TET3: variants seen among roughly 807,000 people sequenced by gnomAD.
The protein encoded by TET3 is methylcytosine dioxygenase TET3.
Under a neutral mutation model 141.4 loss-of-function variants are expected in TET3, and 19 were observed. That is an observed-to-expected ratio of 0.13 (90% CI 0.09 to 0.20). The LOEUF (loss-of-function observed/expected upper bound fraction) is 0.20. TET3 is among the 10% of genes least tolerant of loss of function. The probability of loss-of-function intolerance (pLI) is 1.00; values close to 1 mark genes in which losing one functional copy is unlikely to be tolerated. For synonymous variants in TET3, 1,043 were observed against 980.9 expected, an observed-to-expected ratio of 1.06 and a Z score of -1.18; for missense variants, 1,874 against 2,356.9, an observed-to-expected ratio of 0.80 and a Z score of 4.24.
chr2:73,984,900 G>T (rs1465690175), upstream of TET3, among the ~76,000 whole-genome samples: 2 of 147,278 alleles, frequency 1.4e-5, no homozygotes, highest in Admixed American at 6.7e-5. This position sits in a 1 kb window ranked among gnomAD's most constrained non-coding sequence, Gnocchi z 5.6. Flanking sequence ...CGCGGTGCGC[G>T]GGGGGCGGGG....
chr2:74,002,544 A>G (rs1343539908), intron 2 of TET3, among the ~76,000 whole-genome samples: 1 of 152,058 alleles, frequency 6.6e-6, no homozygotes, highest in Admixed American at 6.5e-5. Flanking sequence ...GGGCCTGGGA[A>G]GCAGCCAGCG....
intron 4 of TET3, among the ~76,000 whole-genome samples, chr2:74,055,125 C>T (rs1051029111): frequency 3.3e-5 from 5 of 152,098 alleles, no homozygotes; most frequent in African/African-American, 1.2e-4. Flanking sequence ...ATCTTGAACT[C>T]CTGGGCTCAA....
chr2:73,984,794 T>C (rs1683911136), upstream of TET3, among the ~76,000 whole-genome samples: 1 of 144,922 alleles, frequency 6.9e-6, no homozygotes. This position sits in a 1 kb window ranked among gnomAD's most constrained non-coding sequence, Gnocchi z 5.6. Context: ...ACCACCCCCC[T>C]CTCGCCCGGC....
chr2:74,090,152 G>A (rs949210880), intron 8 of TET3, 105 bp downstream of exon 8: 3 of 1,498,602 alleles, frequency 2.0e-6, no homozygotes, highest in Non-Finnish European at 9.0e-7. Flanking sequence ...AGATGCACAG[G>A]AAGTGGAACT....
rs1027426372 is a variant in TET3, at chr2:74,104,984, C to A, written c.*2808C>A. ...TGTCTAACCTACCTCAAATCTCAGT[C>A]ATTAAAATTAGCATGCTTTAGACAT... On this transcript the variant is annotated 3_prime_UTR_variant, in exon 12 of 12. Transcript: ENST00000409262. 3 of 395,512 alleles carry A rather than the reference C, an allele frequency of 7.6e-6. No homozygotes were observed. Among genetic ancestry groups the A allele is most frequent in the African/African-American group, 6.2e-5 (3 of 48,594 alleles). The allele number at this position is 395,512 out of a possible 1,614,324, so 24.5% of individuals were successfully genotyped here. A position where few individuals can be genotyped will look rare whatever the true frequency, so the allele number is the denominator to read the frequency against.
chr2:74,092,807 C>G, intron 8 of TET3, 95 bp from the exon 9 acceptor site: 1 of 1,077,818 alleles, frequency 9.3e-7, no homozygotes, highest in South Asian at 1.4e-5. Flanking sequence ...CTCCCAGCCT[C>G]CCCCACGATG....
downstream of TET3, among the ~76,000 whole-genome samples, chr2:74,112,015 G>T (rs1336228716): frequency 6.6e-6 from 1 of 152,126 alleles, no homozygotes; most frequent in Non-Finnish European, 1.5e-5. Flanking sequence ...TTATTTGAAA[G>T]ACTTCAATTC....
chr2:74,057,990 G>A (rs1011434973), intron 4 of TET3, among the ~76,000 whole-genome samples: 23 of 152,120 alleles, frequency 1.5e-4, no homozygotes, highest in Non-Finnish European at 2.9e-4. Flanking sequence ...TGTTTAAACC[G>A]CTGATTTATA....
At chr2:74,131,758 A>G in the TET3 span, among the ~76,000 whole-genome samples, 4,481 of 152,248 alleles carry the variant, frequency 0.029, 95 homozygotes, top group African/African-American at 0.064. Context: ...TCCACAAGCA[A>G]CACTTAATCA....
chr2:74,087,917 A>G lies in TET3; in HGVS notation c.2767A>G (p.Ile923Val). Residue 923 changes from isoleucine (I) to valine (V), a missense_variant, in exon 7 of 12, where the codon ATC (isoleucine) becomes GTC (valine). By Grantham distance (29) the Ile-to-Val change is conservative (BLOSUM62 3). Transcript: ENST00000409262. The surrounding 1 kb of genome is among the most constrained non-coding windows in gnomAD (Gnocchi z 4.3). Reference sequence around the variant, plus strand: ...CCACTGCCAGAACGCTGTGATCGTCATCCTCATCCTGGCCTGGGAGGGCAT... The same window carrying G: ...CCACTGCCAGAACGCTGTGATCGTCGTCCTCATCCTGGCCTGGGAGGGCAT... ...GHHCQNAVIV[I>V]LILAWEGIPR... 6.4e-7 allele frequency: 1 copy of G among 1,552,242 alleles called. No homozygotes were observed.
intron 5 of TET3, among the ~76,000 whole-genome samples, chr2:74,075,976 G>T (rs1558771657): frequency 6.6e-6 from 1 of 152,196 alleles, no homozygotes; most frequent in East Asian, 1.9e-4. Context: ...ACTATCATTT[G>T]CTGCAGGGGA....
chr2:74,035,617 C>T (rs1219721568), intron 3 of TET3, among the ~76,000 whole-genome samples: 2 of 151,752 alleles, frequency 1.3e-5, no homozygotes, highest in Non-Finnish European at 2.9e-5. Context: ...ATCCCAGCTA[C>T]TCGGGAGGCT....
downstream of TET3, among the ~76,000 whole-genome samples, chr2:74,112,260 T>G (rs1208557754): frequency 6.6e-6 from 1 of 152,072 alleles, no homozygotes; most frequent in Non-Finnish European, 1.5e-5. Context: ...TTTATCTGAT[T>G]ATCTCCTTGG....
chr2:74,065,679 C>G (rs983277965), intron 4 of TET3, among the ~76,000 whole-genome samples: 1 of 148,418 alleles, frequency 6.7e-6, no homozygotes, highest in African/African-American at 2.5e-5. Flanking sequence ...CTTTCTTTCC[C>G]TTTCTTTTCT....
chr2:74,067,251 T>C (rs910243483), intron 4 of TET3, among the ~76,000 whole-genome samples: 9 of 152,382 alleles, frequency 5.9e-5, no homozygotes, highest in Admixed American at 5.2e-4. Flanking sequence ...CATGAAATGT[T>C]TAAGCACTGG....
chr2:74,117,096 G>T, the TET3 span, among the ~76,000 whole-genome samples: 1 of 152,266 alleles, frequency 6.6e-6, no homozygotes. Context: ...GTAAGAAGGG[G>T]TCAGATTGTG....
rs948705541 is a variant in TET3, at chr2:74,099,438, G to A, written c.3430G>A (p.Ala1144Thr). Residue 1144 changes from alanine to threonine, a missense_variant, in exon 11 of 12, where the codon GCC (alanine) becomes ACC (threonine). By Grantham distance (58) the Ala-to-Thr change is moderately conservative. This residue lies in a region of TET3 where 53 missense variants were observed against 112.8 expected (regional missense o/e 0.47). Transcript: ENST00000409262. ...VGSGAIQVLT[A>T]FPREVRRLPE... The stretch of plus-strand genomic sequence containing the variant: ...CAGCGGAGCCATCCAGGTGCTCACC[G>A]CCTTCCCCCGCGAGGTCCGACGCCT... 10 of 1,613,932 alleles carry A rather than the reference G, an allele frequency of 6.2e-6. No homozygotes were observed. Among genetic ancestry groups the A allele is most frequent in the East Asian group, 2.2e-5 (1 of 44,878 alleles).
intron 3 of TET3, among the ~76,000 whole-genome samples, chr2:74,029,055 G>A (rs1300082158): frequency 1.3e-5 from 2 of 152,126 alleles, no homozygotes; most frequent in East Asian, 3.8e-4. Flanking sequence ...GTTACCTTGG[G>A]GTACTGGAAC....
chr2:74,019,402 C>G (rs1405904430), intron 3 of TET3, among the ~76,000 whole-genome samples: 1 of 152,200 alleles, frequency 6.6e-6, no homozygotes, highest in African/African-American at 2.4e-5. Flanking sequence ...TGTATCCCAT[C>G]TTTGCCCGCA....
Sources: allele counts gnomAD v4.1 joint callset (sites outside exome capture counted in the v4.1 genomes callset), GRCh38; gene constraint gnomAD v4.1.1; regional missense constraint gnomAD v4.1.1; non-coding constraint Gnocchi (gnomAD v3.1); transcripts MANE v1.5; gene names NCBI Gene and HGNC (gene_info 2026-07-23, HGNC 2026-07-21).